The following RARB variants were observed in gnomAD, a reference collection of about 807,000 sequenced individuals.
RARB encodes the protein retinoic acid receptor beta.
A neutral mutation model predicts 51.9 loss-of-function variants in RARB; 17 were observed. The observed-to-expected ratio is 0.33, with a 90% CI of 0.22 to 0.49. The LOEUF (loss-of-function observed/expected upper bound fraction) is 0.49, where lower values mean the gene tolerates loss of function less well. RARB is among the 20% of genes least tolerant of loss of function. RARB has a pLI of 0.99. For synonymous variants in RARB, 215 were observed against 195.4 expected, an observed-to-expected ratio of 1.10 and a Z score of -0.84; for missense variants, 369 against 550.8, an observed-to-expected ratio of 0.67 and a Z score of 3.30.
At chr3:25,403,595 G>T (rs908338052) in intron 5 of RARB, among the ~76,000 whole-genome samples, 14 of 151,914 alleles carry the variant, frequency 9.2e-5, no homozygotes, top group Admixed American at 3.3e-4. Flanking sequence ...AATTACCCTG[G>T]CTTAACTTTA....
intron 5 of RARB, among the ~76,000 whole-genome samples, chr3:25,407,513 G>C (rs116819086): frequency 0.011 from 1,692 of 152,220 alleles, 36 homozygotes; most frequent in African/African-American, 0.039. Context: ...TTTGGATATT[G>C]TATTTCTGTC....
At chr3:24,833,020 G>C (rs1702301741) in intron 1 of RARB, 1 of 152,100 alleles carries the variant, frequency 6.6e-6, no homozygotes, top group African/African-American at 2.4e-5. Flanking sequence ...GGTGAGGCTT[G>C]TCTGCACATG....
intron 3 of RARB, among the ~76,000 whole-genome samples, chr3:25,548,486 T>G (rs1398150357): frequency 2.0e-5 from 3 of 152,052 alleles, no homozygotes; most frequent in Non-Finnish European, 2.9e-5. Flanking sequence ...GCATTCAGAT[T>G]CCCTTGATTT....
chr3:25,423,795 T>C (rs115605891), upstream of RARB, among the ~76,000 whole-genome samples: 1,033 of 152,300 alleles, frequency 6.8e-3, 13 homozygotes, highest in African/African-American at 0.023. Context: ...TAGCCAAAGA[T>C]AGGTCTCCCC....
intron 2 of RARB, among the ~76,000 whole-genome samples, chr3:24,988,468 A>G (rs1013451870): frequency 6.6e-6 from 1 of 152,236 alleles, no homozygotes; most frequent in African/African-American, 2.4e-5. Context: ...AAATTAATCC[A>G]TGTAGAGTTG....
intron 5 of RARB, among the ~76,000 whole-genome samples, chr3:25,422,379 C>A (rs770069034): frequency 6.6e-6 from 1 of 152,164 alleles, no homozygotes; most frequent in Non-Finnish European, 1.5e-5. Context: ...AGACAAAATT[C>A]ACGTGGAATA....
At chr3:25,022,479 AT>A (rs1697658387) in intron 2 of RARB, among the ~76,000 whole-genome samples, 1 of 152,094 alleles carries the variant, frequency 6.6e-6, no homozygotes, top group African/African-American at 2.4e-5. Context: ...GTAGTTTCTA[AT>A]TTTTTAAATT....
Position 25,042,989 on chromosome 3 carries a change from C to T in RARB, c.-379-17136C>T, listed in dbSNP as rs544309247. Reference sequence around the variant, plus strand: ...TTCATCCAGTACTTGTCTTCACAGACGAAAATGCTGAAAGCATAAGAGCAG... The same window carrying T: ...TTCATCCAGTACTTGTCTTCACAGATGAAAATGCTGAAAGCATAAGAGCAG... On this transcript the variant is annotated intron_variant, in intron 2 of 11. Transcript: ENST00000383772. Among the ~76,000 whole-genome samples the T allele has an allele frequency of 1.4e-4, 21 of 152,244 alleles. No individual in the cohort carries two copies. The South Asian group carries it at 2.5e-3, about 18-fold the overall frequency.
chr3:25,418,155 ATATGGTGTC>A lies in RARB; in HGVS notation c.179-43034_179-43026del, dbSNP rs1313232464. Among the ~76,000 whole-genome samples, 14 of 152,370 alleles carry A rather than the reference ATATGGTGTC, an allele frequency of 9.2e-5. No individual in the cohort carries two copies. In the East Asian group the frequency reaches 2.5e-3, roughly 27 times the overall value. On this transcript the variant is annotated intron_variant, in intron 5 of 11. Coordinates refer to the RARB transcript ENST00000383772. Reference sequence around the variant, plus strand: ...ACCTAGCTGCGAAGGAGGCTGGGAAATATGGTGTCTATCTGGATGGCGATATGCTCAGCT... The same window carrying A: ...ACCTAGCTGCGAAGGAGGCTGGGAAATATCTGGATGGCGATATGCTCAGCT...
At chr3:25,070,853 C>T (rs1698752877) in intron 3 of RARB, among the ~76,000 whole-genome samples, 1 of 152,166 alleles carries the variant, frequency 6.6e-6, no homozygotes, top group East Asian at 1.9e-4. Flanking sequence ...TTAACATGCC[C>T]AGTGTACTAG....
chr3:25,182,841 A>G (rs1192811403), intron 5 of RARB, among the ~76,000 whole-genome samples: 2 of 152,188 alleles, frequency 1.3e-5, no homozygotes, highest in African/African-American at 4.8e-5. Flanking sequence ...TATTAGGGTG[A>G]GCCCTAATCC....
chr3:24,832,113 T>C (rs535018994), intron 1 of RARB, among the ~76,000 whole-genome samples: 16 of 152,306 alleles, frequency 1.1e-4, no homozygotes, highest in African/African-American at 3.8e-4. Flanking sequence ...TTTACTCATA[T>C]GATAAAGGGA....
chr3:25,500,454 G>GTTTTTTTTT lies in RARB; in HGVS notation c.307-709_307-701dup, dbSNP rs753321842. On this transcript the variant is annotated intron_variant, in intron 2 of 7. Coordinates refer to ENST00000330688, the MANE Select transcript of RARB (RefSeq NM_000965.5). ...ATAATTTCTTTTTCTTTCTTTTCTTGTTTTTTTTTTTTTTTTTTTTTTTTT... is the reference window on the plus strand; with the variant it reads ...ATAATTTCTTTTTCTTTCTTTTCTTGTTTTTTTTTTTTTTTTTTTTTTTTTTTTTTTTTT... Among the ~76,000 whole-genome samples, 221 of 66,070 alleles carry GTTTTTTTTT rather than the reference G, an allele frequency of 3.3e-3. 9 individuals are homozygous for GTTTTTTTTT. Among genetic ancestry groups the GTTTTTTTTT allele is most frequent in the East Asian group, 7.5e-3 (12 of 1,610 alleles). 43.3% of individuals were successfully genotyped at this position (66,070 alleles called of 152,430 possible).
intron 5 of RARB, among the ~76,000 whole-genome samples, chr3:25,234,738 T>C (rs912553359): frequency 3.1e-4 from 47 of 152,140 alleles, no homozygotes; most frequent in Non-Finnish European, 3.8e-4. Context: ...TCTTGTACAT[T>C]TCAGAGTGAT....
intron 3 of RARB, among the ~76,000 whole-genome samples, chr3:25,079,206 A>G (rs1451446197): frequency 1.3e-5 from 2 of 152,096 alleles, no homozygotes; most frequent in Non-Finnish European, 2.9e-5. Context: ...TGGAAATATA[A>G]TTTATTTTTG....
At chr3:24,966,260 T>C (rs567936906) in intron 2 of RARB, among the ~76,000 whole-genome samples, 2 of 152,244 alleles carry the variant, frequency 1.3e-5, no homozygotes, top group South Asian at 4.1e-4. Context: ...TGAAAGAGAC[T>C]GTTAGGTCAG....
At chr3:25,342,138 C>G (rs899409164) in intron 5 of RARB, among the ~76,000 whole-genome samples, 2 of 152,134 alleles carry the variant, frequency 1.3e-5, no homozygotes, top group Non-Finnish European at 2.9e-5. Context: ...AAAAGAGATA[C>G]TCAAGTTGTT....
At chr3:24,992,310 T>G (rs188123854) in intron 2 of RARB, among the ~76,000 whole-genome samples, 8 of 152,316 alleles carry the variant, frequency 5.3e-5, no homozygotes, top group Admixed American at 1.3e-4. Flanking sequence ...TTCTGCCTAT[T>G]CCTTACCTGG....
intron 5 of RARB, among the ~76,000 whole-genome samples, chr3:25,254,708 C>A (rs998578153): frequency 6.6e-6 from 1 of 151,806 alleles, no homozygotes; most frequent in Non-Finnish European, 1.5e-5. Context: ...ATGACTTGGT[C>A]GGTCAGAGAC....
Sources: gnomAD v4.1 joint callset for allele counts (sites outside exome capture counted in the v4.1 genomes callset) on GRCh38, gnomAD v4.1.1 for gene constraint, MANE v1.5 for transcripts, NCBI Gene and HGNC (gene_info 2026-07-23, HGNC 2026-07-21) for gene names.